The following SHCBP1L variants were observed in gnomAD, a reference collection of about 807,000 sequenced individuals.
The protein encoded by SHCBP1L is testicular spindle-associated protein SHCBP1L.
SHCBP1L carries 67 observed loss-of-function variants against 62.5 expected under a neutral mutation model. The ratio of observed to expected loss-of-function variants is 1.07; its 90% CI spans 0.88 to 1.31. SHCBP1L has a LOEUF of 1.31. Among genes scored for constraint, SHCBP1L ranks in the 40% most tolerant of loss-of-function variants. SHCBP1L has a pLI of 0.00. For missense variants in SHCBP1L, 823 were observed against 809.8 expected, an observed-to-expected ratio of 1.02 and a Z score of -0.20; for synonymous variants, 284 against 289.4, an observed-to-expected ratio of 0.98 and a Z score of 0.19.
chr1:182,903,575 C>A (rs1429561371), intron 8 of SHCBP1L, among the ~76,000 whole-genome samples: 2 of 152,008 alleles, frequency 1.3e-5, no homozygotes, highest in Non-Finnish European at 2.9e-5. Flanking sequence ...TTTCTACTTC[C>A]TTTAATTCTT....
intron 6 of SHCBP1L, among the ~76,000 whole-genome samples, chr1:182,912,712 G>A (rs1361037223): frequency 6.6e-5 from 10 of 151,598 alleles, no homozygotes; most frequent in East Asian, 2.0e-4. Context: ...TAGTAGAGAC[G>A]GGTTTTTGCC....
At chr1:182,938,667 C>T (rs1359726014) in intron 5 of SHCBP1L, among the ~76,000 whole-genome samples, 1 of 152,014 alleles carries the variant, frequency 6.6e-6, no homozygotes, top group Non-Finnish European at 1.5e-5. Context: ...GAGATGGGGC[C>T]TCAATATGCT....
chr1:182,942,050 T>C, intron 2 of SHCBP1L: 1 of 897,892 alleles, frequency 1.1e-6, no homozygotes. Context: ...AATATTCCTC[T>C]GGATTGTACA....
intron 2 of SHCBP1L, 129 bp from the exon 3 acceptor site, chr1:182,940,672 A>C (rs1443463335): frequency 1.7e-5 from 11 of 660,002 alleles, no homozygotes; most frequent in Middle Eastern, 4.2e-4. Context: ...AACAATCAAC[A>C]TACAGAATAA....
At chr1:182,902,606 A>C (rs1649880330) in intron 9 of SHCBP1L, among the ~76,000 whole-genome samples, 1 of 152,214 alleles carries the variant, frequency 6.6e-6, no homozygotes, top group Admixed American at 6.5e-5. Flanking sequence ...AGGATGGAAG[A>C]CATTTCACCT....
At chr1:182,924,719 A>AG (rs1650635159) in intron 6 of SHCBP1L, among the ~76,000 whole-genome samples, 6 of 64,748 alleles carry the variant, frequency 9.3e-5, no homozygotes, top group African/African-American at 8.6e-4. Context: ...AAAGAAAGAA[A>AG]GAAAGAAAGA....
chr1:182,952,430 G>T, intron 1 of SHCBP1L: 1 of 338,142 alleles, frequency 3.0e-6, no homozygotes, highest in Non-Finnish European at 5.3e-6. Context: ...TCATGCCTGT[G>T]CAATGATAAG....
chr1:182,912,097 G>A (rs1363214566), intron 6 of SHCBP1L, among the ~76,000 whole-genome samples: 1 of 152,160 alleles, frequency 6.6e-6, no homozygotes, highest in East Asian at 1.9e-4. Context: ...CCCAGGGCAG[G>A]ACTCTAATAT....
At position 182,924,974 on chromosome 1, in the gene SHCBP1L, GA is replaced by G. The variant is rs772984933; in HGVS notation, c.1182+4672del. On this transcript the variant is annotated intron_variant, in intron 6 of 9. Transcript: ENST00000367547. Reference sequence around the variant, plus strand: ...AGAAAGAAAGAAAGAAAGAAAGAAAGAAAAAAAAAGGAAGAAGGAAAGGAAG... The same window carrying G: ...AGAAAGAAAGAAAGAAAGAAAGAAAGAAAAAAAAGGAAGAAGGAAAGGAAG... Among the ~76,000 whole-genome samples, 64 of 109,566 alleles carry G rather than the reference GA, an allele frequency of 5.8e-4. 1 individual carries two copies. The highest frequency in any genetic ancestry group is 2.7e-3 in the South Asian group (9 of 3,366). 71.9% of individuals were successfully genotyped at this position (109,566 alleles called of 152,430 possible).
At chr1:182,903,505 A>G (rs1195380509) in intron 8 of SHCBP1L, among the ~76,000 whole-genome samples, 1 of 152,152 alleles carries the variant, frequency 6.6e-6, no homozygotes, top group African/African-American at 2.4e-5. Flanking sequence ...TAATGCCACT[A>G]AAGTATATTT....
chr1:182,951,929 C>T (rs868840670), intron 1 of SHCBP1L: 1 of 360,838 alleles, frequency 2.8e-6, no homozygotes. Context: ...CCGAAGCGGG[C>T]AGATTACCTG....
At position 182,951,449 on chromosome 1, in the gene SHCBP1L, C is replaced by T. The variant is rs1222564113; in HGVS notation, c.424G>A (p.Val142Ile). The T allele has an allele frequency of 6.3e-7, 1 of 1,588,340 alleles. No individual in the cohort carries two copies. The highest frequency in any genetic ancestry group is 2.3e-5 in the East Asian group (1 of 44,438). The change falls in exon 2 of 10, where the codon GTT becomes ATT. Residue 142 changes from valine to isoleucine, a missense_variant. By Grantham distance (29) the Val-to-Ile change is conservative. Coordinates refer to ENST00000367547, the MANE Select transcript of SHCBP1L (RefSeq NM_030933.4). ...TTTTCTGATAGGTATTTACCCATAA[C>T]TTCATCAGCATCTTCTGCCTAACAA... ...QDCKAEDADE[V>I]MGKYLSEKLK...
In SHCBP1L at chr1:182,933,247, G is replaced by A. The variant is rs185556936; in HGVS notation, c.1077-3495C>T. Among the ~76,000 whole-genome samples, 40 of 150,328 alleles carry A rather than the reference G, an allele frequency of 2.7e-4. No individual in the cohort carries two copies. In the East Asian group the frequency reaches 7.8e-3, roughly 29 times the overall value. The stretch of plus-strand genomic sequence containing the variant: ...ATTGCTGAGCAGTATTTCATTATAG[G>A]ATTTTCTATATACAAGACCATGTCA... On this transcript the variant is annotated intron_variant, in intron 5 of 9. Coordinates refer to ENST00000367547, the MANE Select transcript of SHCBP1L (RefSeq NM_030933.4).
chr1:182,910,375 G>C (rs779518366), intron 6 of SHCBP1L, among the ~76,000 whole-genome samples: 1 of 152,190 alleles, frequency 6.6e-6, no homozygotes, highest in Non-Finnish European at 1.5e-5. Flanking sequence ...GGTGCCAGCA[G>C]GCCACCAGGT....
At chr1:182,930,649 G>GTA (rs1192300323) in intron 5 of SHCBP1L, among the ~76,000 whole-genome samples, 4 of 74,550 alleles carry the variant, frequency 5.4e-5, no homozygotes, top group African/African-American at 2.2e-4. Context: ...TTGCCCTGGA[G>GTA]TATATGTGTG....
chr1:182,920,272 A>G (rs938835544), intron 6 of SHCBP1L, among the ~76,000 whole-genome samples: 6 of 152,164 alleles, frequency 3.9e-5, no homozygotes, highest in Admixed American at 1.3e-4. Context: ...TGGGCCTGGT[A>G]CCAGCCCCCC....
At chr1:182,933,396 A>G (rs1486999944) in intron 5 of SHCBP1L, among the ~76,000 whole-genome samples, 1 of 152,204 alleles carries the variant, frequency 6.6e-6, no homozygotes, top group Non-Finnish European at 1.5e-5. Context: ...AAGAGTAAAT[A>G]TCCTTATCAT....
intron 3 of SHCBP1L, 141 bp from the exon 4 acceptor site, chr1:182,939,694 T>A (rs749419381): frequency 1.6e-6 from 1 of 633,154 alleles, no homozygotes; most frequent in Non-Finnish European, 2.6e-6. Flanking sequence ...TTGAGTGAAC[T>A]AAAAGGTAAA....
Position 182,952,846 on chromosome 1 carries a change from C to A in SHCBP1L, c.288G>T (p.Val96=). The A allele has an allele frequency of 1.2e-6, 2 of 1,610,810 alleles. No individual in the cohort carries two copies. The highest frequency in any genetic ancestry group is 1.7e-6 in the Non-Finnish European group (2 of 1,179,028). Residue 96 remains valine, a synonymous_variant, in exon 1 of 10, where the codon GTG becomes GTT. Transcript: ENST00000367547. ...AAAAEEPLLP[V]PEDEEEAQPL... ...GCTGCGCCTCCTCTTCATCCTCAGG[C>A]ACTGGCAGCAGGGGCTCCTCCGCCG... is the stretch of plus-strand genomic sequence containing the variant.
Sources: gnomAD v4.1 joint callset for allele counts (sites outside exome capture counted in the v4.1 genomes callset) on GRCh38, gnomAD v4.1.1 for gene constraint, MANE v1.5 for transcripts, NCBI Gene and HGNC (gene_info 2026-07-23, HGNC 2026-07-21) for gene names.